Variants in BTC observed in about 807,000 individuals in gnomAD.
The protein encoded by BTC is betacellulin.
BTC carries 13 observed loss-of-function variants against 18.1 expected under a neutral mutation model. The observed-to-expected ratio is 0.72, with a 90% confidence interval of 0.47 to 1.14. The LOEUF (loss-of-function observed/expected upper bound fraction) is 1.14, where lower values mean the gene tolerates loss of function less well. Ranked by LOEUF, BTC falls within the 50% of genes most tolerant of loss-of-function variation. BTC has a pLI of 0.00. For synonymous variants in BTC, 83 were observed against 79.4 expected, an observed-to-expected ratio of 1.05 and a Z score of -0.24; for missense variants, 247 against 224.2, an observed-to-expected ratio of 1.10 and a Z score of -0.65.
chr4:74,748,418 C>CTA (rs1724353076), intron 4 of BTC, among the ~76,000 whole-genome samples: 1 of 151,960 alleles, frequency 6.6e-6, no homozygotes, highest in Non-Finnish European at 1.5e-5. Context: ...CGCCTGTAGT[C>CTA]CCAGCTACTC....
chr4:74,766,041 T>G (rs1022162112), intron 2 of BTC, among the ~76,000 whole-genome samples: 8 of 152,126 alleles, frequency 5.3e-5, no homozygotes, highest in African/African-American at 1.7e-4. Context: ...AACATAATAG[T>G]ATTTTTATAT....
In BTC at chr4:74,746,624, T is replaced by C. The variant is rs1234734029; in HGVS notation, c.*53A>G. The C allele has an allele frequency of 1.3e-5, 2 of 152,640 alleles. No homozygotes were observed. Among genetic ancestry groups the C allele is most frequent in the African/African-American group, 4.8e-5 (2 of 41,448 alleles). 9.5% of individuals were successfully genotyped at this position (152,640 alleles called of 1,614,324 possible). A position where few individuals can be genotyped will look rare whatever the true frequency, so the allele number is the denominator to read the frequency against. On this transcript the variant is annotated 3_prime_UTR_variant, in exon 6 of 6. Transcript: ENST00000395743. ...GAGACACATTCTGTCCATTTTCAAATGAGCAAGGCACTTTGCAGCTTGCCA... is the reference window on the plus strand; with the variant it reads ...GAGACACATTCTGTCCATTTTCAAACGAGCAAGGCACTTTGCAGCTTGCCA...
chr4:74,770,683 T>A (rs1577960592), intron 1 of BTC, among the ~76,000 whole-genome samples: 1 of 151,992 alleles, frequency 6.6e-6, no homozygotes, highest in South Asian at 2.1e-4. Context: ...GGCCACATGT[T>A]TTACGAGGGA....
rs528506300 is a variant in BTC, at chr4:74,770,092, G to A, written c.129C>T (p.Gly43=). The A allele has an allele frequency of 6.2e-7, 1 of 1,613,178 alleles. No individual in the cohort carries two copies. Among genetic ancestry groups the A allele is most frequent in the Non-Finnish European group, 8.5e-7 (1 of 1,179,452 alleles). Residue 43 remains glycine (G), a synonymous_variant, in exon 2 of 6, where the codon GGC becomes GGT. Transcript: ENST00000395743. ...TTTCCTCAGGGTCTCCACAGAGGAG[G>A]CCATTAGTTTCAGGACTTCTGGTGG... ...GNSTRSPETN[G]LLCGDPEENC...
At chr4:74,777,244 T>C (rs1725199180) in intron 1 of BTC, among the ~76,000 whole-genome samples, 1 of 152,090 alleles carries the variant, frequency 6.6e-6, no homozygotes, top group African/African-American at 2.4e-5. Flanking sequence ...AATACCTAAC[T>C]TACATAGCCA....
At chr4:74,758,034 A>C (rs540800421) in intron 2 of BTC, among the ~76,000 whole-genome samples, 1 of 152,358 alleles carries the variant, frequency 6.6e-6, no homozygotes, top group East Asian at 1.9e-4. Flanking sequence ...AGTATGAAGA[A>C]TGCTGACCTA....
intron 2 of BTC, among the ~76,000 whole-genome samples, chr4:74,766,850 A>G (rs541832935): frequency 2.0e-5 from 3 of 152,082 alleles, no homozygotes; most frequent in Admixed American, 6.6e-5. Flanking sequence ...AGACTCATTC[A>G]TAATTCATTT....
chr4:74,759,807 A>G (rs1293418480), intron 2 of BTC, among the ~76,000 whole-genome samples: 1 of 152,166 alleles, frequency 6.6e-6, no homozygotes, highest in Non-Finnish European at 1.5e-5. Flanking sequence ...TTTGGGTCAT[A>G]TGGGAAGTTA....
chr4:74,781,686 T>C (rs377401352), intron 1 of BTC, among the ~76,000 whole-genome samples: 230 of 143,190 alleles, frequency 1.6e-3, no homozygotes, highest in African/African-American at 6.0e-3. Flanking sequence ...AATCTACCTC[T>C]GTCTTTTTTT....
intron 2 of BTC, among the ~76,000 whole-genome samples, chr4:74,759,724 T>C (rs1272439346): frequency 6.6e-6 from 1 of 151,472 alleles, no homozygotes; most frequent in African/African-American, 2.4e-5. Flanking sequence ...ACTCTAAGGG[T>C]TTGCAAAAGG....
At chr4:74,779,844 T>A (rs1725272055) in intron 1 of BTC, among the ~76,000 whole-genome samples, 1 of 152,164 alleles carries the variant, frequency 6.6e-6, no homozygotes, top group South Asian at 2.1e-4. Context: ...TGTTATCATC[T>A]TTATCAATAA....
chr4:74,780,608 A>G (rs908017816), intron 1 of BTC, among the ~76,000 whole-genome samples: 5 of 152,258 alleles, frequency 3.3e-5, no homozygotes, highest in Middle Eastern at 6.8e-3. Context: ...TCATTTACCT[A>G]TTGTAGTTGT....
At position 74,770,090 on chromosome 4, in the gene BTC, A is replaced by T. The variant is rs538798869; in HGVS notation, c.131T>A (p.Leu44His). The T allele has an allele frequency of 2.5e-6, 4 of 1,613,264 alleles. No homozygotes were observed. The Admixed American group carries it at 6.7e-5, about 27-fold the overall frequency. ...GTTTTCCTCAGGGTCTCCACAGAGGAGGCCATTAGTTTCAGGACTTCTGGT... is the reference window on the plus strand; with the variant it reads ...GTTTTCCTCAGGGTCTCCACAGAGGTGGCCATTAGTTTCAGGACTTCTGGT... ...NSTRSPETNG[L>H]LCGDPEENCA... The change falls in exon 2 of 6, where the codon CTC becomes CAC. Residue 44 changes from leucine to histidine, a missense_variant. Physicochemically the swap from Leu to His is moderately conservative, Grantham distance 99. Transcript: ENST00000395743.
In BTC at chr4:74,748,187, T is replaced by C. The variant is rs143593681; in HGVS notation, c.429-38A>G. On this transcript the variant is annotated intron_variant, in intron 4 of 5. Transcript: ENST00000395743. Reference sequence around the variant, plus strand: ...GTGTTAGAAGTTAGTATGGGCCTAGTAGTTCATGCGAACACAAAATTATCC... The same window carrying C: ...GTGTTAGAAGTTAGTATGGGCCTAGCAGTTCATGCGAACACAAAATTATCC... 1.8e-3 allele frequency: 2,245 copies of C among 1,242,200 alleles called. 7 individuals carry two copies. The highest frequency in any genetic ancestry group is 2.2e-3 in the South Asian group (173 of 78,504). 76.9% of individuals were successfully genotyped at this position (1,242,200 alleles called of 1,614,324 possible).
intron 2 of BTC, among the ~76,000 whole-genome samples, chr4:74,761,177 A>G (rs1308614728): frequency 6.6e-6 from 1 of 152,138 alleles, no homozygotes; most frequent in East Asian, 1.9e-4. Context: ...ATCTTTGCAT[A>G]TGTTTAAAAA....
At chr4:74,773,671 G>C (rs946560763) in intron 1 of BTC, among the ~76,000 whole-genome samples, 1 of 151,816 alleles carries the variant, frequency 6.6e-6, no homozygotes, top group East Asian at 1.9e-4. Flanking sequence ...GAGGGCAGTG[G>C]TGCAATCTCG....
chr4:74,751,866 C>T (rs1724470244), intron 3 of BTC, among the ~76,000 whole-genome samples: 2 of 152,032 alleles, frequency 1.3e-5, no homozygotes, highest in Admixed American at 6.6e-5. Flanking sequence ...AAATATTTTC[C>T]TTAAGAGAAT....
intron 1 of BTC, 91 bp downstream of exon 1, chr4:74,794,171 C>G (rs1725708516): frequency 1.3e-6 from 2 of 1,501,436 alleles, no homozygotes; most frequent in East Asian, 4.9e-5. Flanking sequence ...GCCCTCTTGT[C>G]CAGATGCCAG....
intron 1 of BTC, among the ~76,000 whole-genome samples, chr4:74,777,353 T>C (rs1314987978): frequency 2.6e-5 from 4 of 152,104 alleles, no homozygotes; most frequent in African/African-American, 9.7e-5. Flanking sequence ...GCTCAAAAAA[T>C]AGTAGCTGTT....
Sources: gnomAD v4.1 joint callset for allele counts (sites outside exome capture counted in the v4.1 genomes callset) on GRCh38, gnomAD v4.1.1 for gene constraint, MANE v1.5 for transcripts, NCBI Gene and HGNC (gene_info 2026-07-23, HGNC 2026-07-21) for gene names.